Variants in MAPKBP1 observed in about 807,000 individuals in gnomAD.
The protein encoded by MAPKBP1 is mitogen-activated protein kinase-binding protein 1.
In MAPKBP1, 71 loss-of-function variants were observed where a neutral mutation model predicts 170.5. That is an observed-to-expected ratio of 0.42 (90% CI 0.34 to 0.51). The LOEUF is 0.51. Ranked by LOEUF, MAPKBP1 falls within the 20% of genes least tolerant of loss-of-function variation. The pLI is 0.06. For synonymous variants in MAPKBP1, 719 were observed against 757.9 expected (o/e 0.95, Z 0.84); for missense variants, 1,598 against 1,933.0 (o/e 0.83, Z 3.25).
chr15:41,785,630 G>A (rs546205474), intron 2 of MAPKBP1, among the ~76,000 whole-genome samples: 1 of 152,144 alleles, frequency 6.6e-6, no homozygotes, highest in Non-Finnish European at 1.5e-5. Flanking sequence ...TACAGGCCAA[G>A]TGAAAATGTG....
Position 41,825,228 on chromosome 15 carries a change from C to T in MAPKBP1, c.4319C>T (p.Pro1440Leu), listed in dbSNP as rs776252817. 1 of 1,593,898 alleles carries T rather than the reference C, an allele frequency of 6.3e-7. No individual in the cohort carries two copies. The highest frequency in any genetic ancestry group is 1.7e-5 in the Admixed American group (1 of 59,112). ...LYHSVAGCKM[P>L]SAEQSRIAQL... ...TTTCAGGTGGCTGGCTGCAAGATGC[C>T]CTCAGCAGAGCAAAGTCGGATTGCC... The change falls in exon 31 of 31, where the codon CCC becomes CTC. Residue 1440 changes from proline to leucine, a missense_variant. Pro to Leu is a moderately conservative substitution (Grantham distance 98). Transcript: ENST00000457542.
intron 5 of MAPKBP1, chr15:41,811,628 G>A (rs540659730): frequency 2.1e-5 from 13 of 614,768 alleles, no homozygotes; most frequent in Middle Eastern, 2.5e-4. Flanking sequence ...TCCTGGCGGC[G>A]TAGTCTTACT....
chr15:41,814,649 T>C lies in MAPKBP1; in HGVS notation c.1080T>C (p.His360=). Residue 360 remains histidine (H), a synonymous_variant, in exon 10 of 31, where the codon CAT becomes CAC. Coordinates refer to ENST00000457542, the MANE Select transcript of MAPKBP1 (RefSeq NM_014994.3). ...GGCTGTCTTGTGTGTACAACGATCA[T>C]AGCATTTATGTTTGGGATGTGAGGG... ...NQWLSCVYND[H]SIYVWDVRDP... 2 of 1,614,200 alleles carry C rather than the reference T, an allele frequency of 1.2e-6. No individual in the cohort carries two copies. The highest frequency in any genetic ancestry group is 1.7e-6 in the Non-Finnish European group (2 of 1,180,030).
chr15:41,806,435 C>T (rs1049278096), intron 3 of MAPKBP1, among the ~76,000 whole-genome samples: 2 of 152,192 alleles, frequency 1.3e-5, no homozygotes, highest in African/African-American at 4.8e-5. Flanking sequence ...CTGTGCTGCC[C>T]CATGCATAGC....
At chr15:41,786,913 C>A (rs1022876510) in intron 2 of MAPKBP1, among the ~76,000 whole-genome samples, 7 of 147,632 alleles carry the variant, frequency 4.7e-5, no homozygotes, top group Admixed American at 1.3e-4. Context: ...TTCCTTTTTT[C>A]TTTGACATTG....
intron 22 of MAPKBP1, 151 bp downstream of exon 22, chr15:41,819,801 T>C: frequency 1.3e-6 from 1 of 798,828 alleles, no homozygotes; most frequent in Admixed American, 2.8e-5. Context: ...GTCGGGGAAG[T>C]TGAAGCAGCT....
intron 2 of MAPKBP1, among the ~76,000 whole-genome samples, chr15:41,779,738 C>A (rs2064153308): frequency 6.6e-6 from 1 of 152,202 alleles, no homozygotes; most frequent in Non-Finnish European, 1.5e-5. Flanking sequence ...CTGAGTTCTC[C>A]ACATAGAATA....
chr15:41,817,789 C>T lies in MAPKBP1; in HGVS notation c.1904+54C>T. Reference sequence around the variant, plus strand: ...ACATTCCTTCATCTCCCTACGGGGTCAGCTCTGTGCAGCTAAGTTCCCACA... The same window carrying T: ...ACATTCCTTCATCTCCCTACGGGGTTAGCTCTGTGCAGCTAAGTTCCCACA... On this transcript the variant is annotated intron_variant, in intron 16 of 30. Coordinates refer to ENST00000457542, the MANE Select transcript of MAPKBP1 (RefSeq NM_014994.3). This position sits in a 1 kb window ranked among gnomAD's most constrained non-coding sequence, Gnocchi z 4.2. 1 of 1,594,570 alleles carries T rather than the reference C, an allele frequency of 6.3e-7. No individual in the cohort carries two copies. Among genetic ancestry groups the T allele is most frequent in the Non-Finnish European group, 8.5e-7 (1 of 1,170,206 alleles).
At chr15:41,785,019 C>T (rs1311908986) in intron 2 of MAPKBP1, among the ~76,000 whole-genome samples, 6 of 151,990 alleles carry the variant, frequency 3.9e-5, no homozygotes, top group Non-Finnish European at 8.8e-5. Flanking sequence ...AGACTCCCTC[C>T]CAGGGCCATT....
Position 41,810,938 on chromosome 15 carries a change from A to G in MAPKBP1, c.262A>G (p.Ser88Gly), listed in dbSNP as rs751855057. The change falls in exon 4 of 31, where the codon AGT becomes GGT. Residue 88 changes from serine (S) to glycine (G), a missense_variant. Ser to Gly is a moderately conservative substitution (Grantham distance 56). This residue lies in a region of MAPKBP1 where 151 missense variants were observed against 191.4 expected (regional missense o/e 0.79). Transcript: ENST00000457542. ...RKHKQHHILNSSRKTITALAF... is the reference protein window; with the variant it reads ...RKHKQHHILNGSRKTITALAF... ...ACACAAACAGCACCACATCCTCAACAGTTCCAGGTAAATGGGCTGGGGTCC... is the reference window on the plus strand; with the variant it reads ...ACACAAACAGCACCACATCCTCAACGGTTCCAGGTAAATGGGCTGGGGTCC... 1 of 1,614,206 alleles carries G rather than the reference A, an allele frequency of 6.2e-7. No individual in the cohort carries two copies. Among genetic ancestry groups the G allele is most frequent in the South Asian group, 1.1e-5 (1 of 91,086 alleles).
At chr15:41,793,767 A>G (rs1218396864) in intron 2 of MAPKBP1, among the ~76,000 whole-genome samples, 1 of 152,174 alleles carries the variant, frequency 6.6e-6, no homozygotes, top group Non-Finnish European at 1.5e-5. Flanking sequence ...CTCATGCTAC[A>G]TATTCAGTGA....
In MAPKBP1 at chr15:41,818,478, A is replaced by AT. The variant is rs1424107751; in HGVS notation, c.2093-38dup. Reference sequence around the variant, plus strand: ...TGGGATGGAGAGGACTTGGTTGGGAATTTAAGGTGGCTTATAGACCGTATT... The same window carrying AT: ...TGGGATGGAGAGGACTTGGTTGGGAATTTTAAGGTGGCTTATAGACCGTATT... On this transcript the variant is annotated intron_variant, in intron 18 of 30. Coordinates refer to ENST00000457542, the MANE Select transcript of MAPKBP1 (RefSeq NM_014994.3). The surrounding 1 kb of genome is among the most constrained non-coding windows in gnomAD (Gnocchi z 5.2). 1 of 1,592,240 alleles carries AT rather than the reference A, an allele frequency of 6.3e-7. No homozygotes were observed. The highest frequency in any genetic ancestry group is 8.6e-7 in the Non-Finnish European group (1 of 1,164,890).
At chr15:41,813,165 C>G in intron 8 of MAPKBP1, 64 bp downstream of exon 8, 2 of 1,556,264 alleles carry the variant, frequency 1.3e-6, no homozygotes, top group Non-Finnish European at 1.7e-6. Context: ...GAACTAGTGC[C>G]CAGGGCTTCA....
chr15:41,789,047 T>G (rs1379286142), intron 2 of MAPKBP1, among the ~76,000 whole-genome samples: 1 of 152,206 alleles, frequency 6.6e-6, no homozygotes, highest in Non-Finnish European at 1.5e-5. Context: ...AGTTGTGTGA[T>G]TGTAGGGGCA....
intron 2 of MAPKBP1, among the ~76,000 whole-genome samples, chr15:41,789,041 G>A (rs2064348189): frequency 6.6e-6 from 1 of 152,180 alleles, no homozygotes; most frequent in African/African-American, 2.4e-5. Context: ...GGCATAAGTT[G>A]TGTGATTGTA....
intron 5 of MAPKBP1, chr15:41,811,692 G>A: frequency 1.5e-6 from 1 of 661,810 alleles, no homozygotes; most frequent in Non-Finnish European, 2.8e-6. Context: ...CTGCCCATCA[G>A]AACCATTCAG....
chr15:41,812,430 ATTC>A, intron 6 of MAPKBP1, 83 bp from the exon 7 acceptor site: 1 of 1,560,960 alleles, frequency 6.4e-7, no homozygotes, highest in South Asian at 1.1e-5. Context: ...TCAAGTACAA[ATTC>A]TAATTCTCCT....
rs1373928744 is a variant in MAPKBP1, at chr15:41,811,220, C to T, written c.312C>T (p.Tyr104=). The change falls in exon 5 of 31, where the codon TAC becomes TAT. Residue 104 remains tyrosine, a synonymous_variant. Coordinates refer to ENST00000457542, the MANE Select transcript of MAPKBP1 (RefSeq NM_014994.3). ...TTGCCTTCTCCCCTGATGGCAAGTA[C>T]TTGGTCACTGGAGAGGTGAGTGAGG... ...TALAFSPDGK[Y]LVTGESGHMP... 3 of 1,614,258 alleles carry T rather than the reference C, an allele frequency of 1.9e-6. No homozygotes were observed. The highest frequency in any genetic ancestry group is 2.2e-5 in the East Asian group (1 of 44,888).
chr15:41,811,000 GCACTGT>G, intron 4 of MAPKBP1, 55 bp downstream of exon 4: 1 of 1,596,412 alleles, frequency 6.3e-7, no homozygotes, highest in South Asian at 1.1e-5. Flanking sequence ...TATGAGAAGG[GCACTGT>G]CTAGAGTCTC....
Sources: gnomAD v4.1 joint callset for allele counts (sites outside exome capture counted in the v4.1 genomes callset) on GRCh38, gnomAD v4.1.1 for gene constraint, gnomAD v4.1.1 regional missense constraint, Gnocchi (gnomAD v3.1) non-coding constraint, MANE v1.5 for transcripts, NCBI Gene and HGNC (gene_info 2026-07-23, HGNC 2026-07-21) for gene names.